The following SIRPG variants were observed in gnomAD, a reference collection of about 807,000 sequenced individuals.
SIRPG encodes signal-regulatory protein gamma.
Under a neutral mutation model 35.7 loss-of-function variants are expected in SIRPG, and 38 were observed. The ratio of observed to expected loss-of-function variants is 1.06; its 90% CI spans 0.82 to 1.40. SIRPG has a LOEUF of 1.40. Ranked by LOEUF, SIRPG falls within the 40% of genes most tolerant of loss-of-function variation. SIRPG has a pLI of 0.00. For missense variants in SIRPG, 519 were observed against 483.0 expected (o/e 1.07, Z -0.70); for synonymous variants, 215 against 190.4 (o/e 1.13, Z -1.06).
the SIRPG span, among the ~76,000 whole-genome samples, chr20:1,680,153 C>T: frequency 0.24 from 36,374 of 151,986 alleles, 5,075 homozygotes; most frequent in East Asian, 0.58. Flanking sequence ...TTCAAACAAA[C>T]GGACAAACAA....
the SIRPG span, among the ~76,000 whole-genome samples, chr20:1,683,082 G>A: frequency 2.0e-5 from 3 of 152,086 alleles, no homozygotes; most frequent in South Asian, 4.2e-4. Flanking sequence ...TAATATATGG[G>A]CCAAAGACCT....
chr20:1,660,807 G>A (rs1253796568), upstream of SIRPG, among the ~76,000 whole-genome samples: 1 of 152,154 alleles, frequency 6.6e-6, no homozygotes, highest in Non-Finnish European at 1.5e-5. Flanking sequence ...TGGGACACAT[G>A]AGAAACTGGG....
chr20:1,663,343 G>C, the SIRPG span, among the ~76,000 whole-genome samples: 2 of 152,102 alleles, frequency 1.3e-5, no homozygotes, highest in Non-Finnish European at 2.9e-5. Context: ...AAATCATCGT[G>C]ACTGAAAACT....
Position 1,635,239 on chromosome 20 carries a change from A to C in SIRPG, c.1081+28T>G, listed in dbSNP as rs766093566. 4.1e-5 allele frequency: 64 copies of C among 1,551,466 alleles called. No individual in the cohort carries two copies. In the Middle Eastern group the frequency reaches 5.2e-4, roughly 13 times the overall value. The stretch of plus-strand genomic sequence containing the variant: ...TACTTTTAAAATGAGAGAAAAAGAC[A>C]AAATTTAAAAATTTTGAGTAACCTC... On this transcript the variant is annotated intron_variant, in intron 4 of 5. Coordinates refer to ENST00000303415, the MANE Select transcript of SIRPG (RefSeq NM_018556.4).
chr20:1,657,792 C>A, upstream of SIRPG: 1 of 1,303,554 alleles, frequency 7.7e-7, no homozygotes, highest in Non-Finnish European at 1.1e-6. Flanking sequence ...AGACAGAAGA[C>A]AAGCCCTGCC....
intron 2 of SIRPG, chr20:1,647,594 A>AG (rs2091907305): frequency 6.6e-6 from 1 of 152,228 alleles, no homozygotes; most frequent in Non-Finnish European, 1.5e-5. Flanking sequence ...TACATGTACA[A>AG]GGCCATCCAC....
chr20:1,638,284 A>G (rs1452299070), intron 2 of SIRPG: 1 of 152,266 alleles, frequency 6.6e-6, no homozygotes, highest in African/African-American at 2.4e-5. Context: ...CCACCCTGGT[A>G]AGGTGAGGGA....
intron 1 of SIRPG, among the ~76,000 whole-genome samples, chr20:1,649,810 T>C (rs2091927123): frequency 6.7e-6 from 1 of 149,422 alleles, no homozygotes; most frequent in Non-Finnish European, 1.5e-5. Context: ...TTAAGCTTTG[T>C]ATTTTTGCAG....
At chr20:1,665,664 C>T in the SIRPG span, among the ~76,000 whole-genome samples, 27 of 152,270 alleles carry the variant, frequency 1.8e-4, no homozygotes, top group South Asian at 1.7e-3. Context: ...TGCAAGGAAG[C>T]CATGGACTTG....
chr20:1,650,132 C>T (rs2091931525), intron 1 of SIRPG, among the ~76,000 whole-genome samples: 1 of 150,240 alleles, frequency 6.7e-6, no homozygotes, highest in South Asian at 2.1e-4. Flanking sequence ...TTTGCCTTTC[C>T]AAATTCTAGA....
chr20:1,668,749 T>G, the SIRPG span, among the ~76,000 whole-genome samples: 1 of 152,210 alleles, frequency 6.6e-6, no homozygotes, highest in Non-Finnish European at 1.5e-5. Context: ...GTGATAACAA[T>G]ATTGATCTTG....
At position 1,636,394 on chromosome 20, in the gene SIRPG, T is replaced by C. The variant is rs1215156919; in HGVS notation, c.542A>G (p.Lys181Arg). The change falls in exon 3 of 6, where the codon AAA becomes AGA. Residue 181 changes from lysine to arginine, a missense_variant. Physicochemically the swap from Lys to Arg is conservative, Grantham distance 26. Coordinates refer to ENST00000303415, the MANE Select transcript of SIRPG (RefSeq NM_018556.4). Reference sequence around the variant, plus strand: ...GAGCTCATTCCCATTTTTGAACCATTTCAGGGTGATGTCTCTGGGAGAGAA... The same window carrying C: ...GAGCTCATTCCCATTTTTGAACCATCTCAGGGTGATGTCTCTGGGAGAGAA... ...HGFSPRDITLKWFKNGNELSD... is the reference protein window; with the variant it reads ...HGFSPRDITLRWFKNGNELSD... 2 of 1,614,058 alleles carry C rather than the reference T, an allele frequency of 1.2e-6. No homozygotes were observed. Among genetic ancestry groups the C allele is most frequent in the African/African-American group, 2.7e-5 (2 of 74,904 alleles).
At chr20:1,664,791 G>C in the SIRPG span, among the ~76,000 whole-genome samples, 1 of 152,210 alleles carries the variant, frequency 6.6e-6, no homozygotes, top group African/African-American at 2.4e-5. Flanking sequence ...TCTGAGATAG[G>C]ACTGTGCCAG....
At chr20:1,672,280 T>C in the SIRPG span, among the ~76,000 whole-genome samples, 2 of 152,192 alleles carry the variant, frequency 1.3e-5, no homozygotes, top group African/African-American at 4.8e-5. Flanking sequence ...ATTTCGTGAA[T>C]ACACCGAGAT....
chr20:1,633,145 A>G (rs1012403430), intron 4 of SIRPG, among the ~76,000 whole-genome samples: 1 of 152,188 alleles, frequency 6.6e-6, no homozygotes, highest in African/African-American at 2.4e-5. Context: ...GACAACTTAG[A>G]TAAAATGGAC....
chr20:1,635,715 G>C (rs1329376437), intron 3 of SIRPG, 116 bp from the exon 4 acceptor site: 1 of 1,087,138 alleles, frequency 9.2e-7, no homozygotes, highest in Non-Finnish European at 1.3e-6. Context: ...GTGCTAGGCA[G>C]GCAGCAGATG....
the SIRPG span, among the ~76,000 whole-genome samples, chr20:1,666,792 C>CT: frequency 6.6e-6 from 1 of 152,128 alleles, no homozygotes; most frequent in African/African-American, 2.4e-5. Flanking sequence ...CTGCTAGCTC[C>CT]ATTCATGAGA....
chr20:1,674,588 A>T, the SIRPG span, among the ~76,000 whole-genome samples: 1 of 152,124 alleles, frequency 6.6e-6, no homozygotes, highest in African/African-American at 2.4e-5. Context: ...TGCACTAACC[A>T]CTGTTCTGCG....
chr20:1,658,482 C>T (rs977875612), upstream of SIRPG, among the ~76,000 whole-genome samples: 1 of 152,082 alleles, frequency 6.6e-6, no homozygotes, highest in Non-Finnish European at 1.5e-5. Flanking sequence ...GCATCAATTT[C>T]AATACCCTTT....
Sources: allele counts gnomAD v4.1 joint callset (sites outside exome capture counted in the v4.1 genomes callset), GRCh38; gene constraint gnomAD v4.1.1; transcripts MANE v1.5; gene names NCBI Gene and HGNC (gene_info 2026-07-23, HGNC 2026-07-21).